The following SPTLC3 variants were observed in gnomAD, a reference collection of about 807,000 sequenced individuals.
The protein encoded by SPTLC3 is serine palmitoyltransferase 3.
In SPTLC3, 36 loss-of-function variants were observed where a neutral mutation model predicts 59.3. That is an observed-to-expected ratio of 0.61 (90% CI 0.47 to 0.80). The LOEUF (loss-of-function observed/expected upper bound fraction) is 0.80. Among genes scored for constraint, SPTLC3 ranks in the 30% least tolerant of loss-of-function variants. SPTLC3 has a pLI of 0.00. For missense variants in SPTLC3, 625 were observed against 685.1 expected (o/e 0.91, Z 0.98); for synonymous variants, 257 against 240.8 (o/e 1.07, Z -0.62).
intron 4 of SPTLC3, among the ~76,000 whole-genome samples, chr20:13,082,564 G>A (rs968161943): frequency 2.2e-5 from 3 of 138,346 alleles, no homozygotes; most frequent in African/African-American, 7.7e-5. Context: ...TTTGTGTATT[G>A]TCTGACTGCT....
At chr20:13,068,582 A>G (rs1222220471) in intron 2 of SPTLC3, among the ~76,000 whole-genome samples, 1 of 152,142 alleles carries the variant, frequency 6.6e-6, no homozygotes, top group Admixed American at 6.5e-5. Context: ...GGTGGGGAGA[A>G]GAGGGCCACG....
intron 9 of SPTLC3, among the ~76,000 whole-genome samples, chr20:13,145,080 T>C (rs1029551262): frequency 5.3e-5 from 8 of 152,090 alleles, no homozygotes; most frequent in African/African-American, 1.7e-4. Context: ...TGGCCTACTA[T>C]GTGTATTCTT....
At chr20:13,064,564 G>A (rs1385639284) in intron 2 of SPTLC3, among the ~76,000 whole-genome samples, 1 of 152,244 alleles carries the variant, frequency 6.6e-6, no homozygotes. Context: ...CCAAGTGCTG[G>A]GATTACAGGC....
intron 2 of SPTLC3, among the ~76,000 whole-genome samples, chr20:13,066,016 A>G (rs1988192323): frequency 6.6e-6 from 1 of 152,256 alleles, no homozygotes; most frequent in African/African-American, 2.4e-5. Context: ...TCCACAACTT[A>G]TGCGTACAAC....
intron 2 of SPTLC3, among the ~76,000 whole-genome samples, chr20:13,071,892 A>G (rs1326259633): frequency 6.6e-6 from 1 of 152,196 alleles, no homozygotes; most frequent in African/African-American, 2.4e-5. Flanking sequence ...TGATATATTC[A>G]TGTTCAAAAA....
In SPTLC3 at chr20:13,085,904, A is replaced by T. The variant is rs115789904; in HGVS notation, c.608-5179A>T. Among the ~76,000 whole-genome samples, 501 of 152,300 alleles carry T rather than the reference A, an allele frequency of 3.3e-3. 1 individual carries two copies. Among genetic ancestry groups the T allele is most frequent in the African/African-American group, 0.011 (461 of 41,558 alleles). On this transcript the variant is annotated intron_variant, in intron 4 of 11. Coordinates refer to ENST00000399002, the MANE Select transcript of SPTLC3 (RefSeq NM_018327.4). ...ATGTTTATTACTTTATTCATAAGGC[A>T]GGTTTTGAGCATAACACTGAATAAA...
intron 1 of SPTLC3, among the ~76,000 whole-genome samples, chr20:13,037,393 T>A (rs1986781937): frequency 6.6e-6 from 1 of 152,294 alleles, no homozygotes; most frequent in African/African-American, 2.4e-5. Context: ...AGGTAGACAA[T>A]CAACAGTCTG....
chr20:13,063,133 C>A (rs1600242971), intron 2 of SPTLC3, among the ~76,000 whole-genome samples: 3 of 152,252 alleles, frequency 2.0e-5, no homozygotes, highest in Non-Finnish European at 4.4e-5. Context: ...GATGGGTGAA[C>A]ATTATTTATT....
At chr20:13,013,286 A>G (rs1221727426) in intron 1 of SPTLC3, among the ~76,000 whole-genome samples, 2 of 152,320 alleles carry the variant, frequency 1.3e-5, no homozygotes, top group East Asian at 1.9e-4. Flanking sequence ...CTGCTGTAGT[A>G]TAAACTTCTT....
chr20:13,036,567 G>C lies in SPTLC3; in HGVS notation c.118-12378G>C, dbSNP rs539596477. ...GTGATAATCTGCTATTCATCAGTAA[G>C]GCTTCCCATCAACAGTAGGCTATTA... On this transcript the variant is annotated intron_variant, in intron 1 of 11. Transcript: ENST00000399002. Among the ~76,000 whole-genome samples the C allele has an allele frequency of 5.9e-5, 9 of 152,162 alleles. No homozygotes were observed. The South Asian group carries it at 1.9e-3, about 32-fold the overall frequency.
intron 9 of SPTLC3, among the ~76,000 whole-genome samples, chr20:13,138,490 C>T (rs1312834922): frequency 6.6e-6 from 1 of 152,170 alleles, no homozygotes; most frequent in African/African-American, 2.4e-5. Flanking sequence ...ACACCCCTAA[C>T]CCAGCCCTCC....
In SPTLC3 at chr20:13,152,319, C is replaced by G. The variant is rs141016180; in HGVS notation, c.1280-1684C>G. Among the ~76,000 whole-genome samples the G allele has an allele frequency of 5.5e-4, 84 of 152,268 alleles. No individual in the cohort carries two copies. In the East Asian group the frequency reaches 0.016, roughly 29 times the overall value. On this transcript the variant is annotated intron_variant, in intron 9 of 11. Transcript: ENST00000399002. ...CATATGGGTGAGCTATAATTATTGT[C>G]GTTATTACTATTGTCCTTTAGAGGC...
intron 4 of SPTLC3, chr20:13,079,664 TGC>T (rs1196470816): frequency 2.0e-5 from 8 of 408,070 alleles, no homozygotes; most frequent in Non-Finnish European, 3.5e-5. Context: ...TTCCTTGATG[TGC>T]GCAATGCTTC....
intron 8 of SPTLC3, among the ~76,000 whole-genome samples, chr20:13,125,920 G>A (rs2122789839): frequency 6.6e-6 from 1 of 152,346 alleles, no homozygotes; most frequent in African/African-American, 2.4e-5. Flanking sequence ...TACAGACAGT[G>A]AGAGAATTAC....
chr20:13,154,037 A>G lies in SPTLC3; in HGVS notation c.1314A>G (p.Thr438=), dbSNP rs778034093. 6.2e-7 allele frequency: 1 copy of G among 1,614,150 alleles called. No homozygotes were observed. The highest frequency in any genetic ancestry group is 2.2e-5 in the East Asian group (1 of 44,884). Residue 438 remains threonine, a synonymous_variant, in exon 10 of 12, where the codon ACA becomes ACG. Coordinates refer to ENST00000399002, the MANE Select transcript of SPTLC3 (RefSeq NM_018327.4). ...GAGTACAGCAACTTGCGAAAAACAC[A>G]AGATACTTCAGACAAAGACTGCAGG... ...LQRVQQLAKN[T]RYFRQRLQEM... is the part of the protein sequence containing the mutation.
At chr20:13,014,115 T>A (rs2122360162) in intron 1 of SPTLC3, among the ~76,000 whole-genome samples, 1 of 152,344 alleles carries the variant, frequency 6.6e-6, no homozygotes, top group African/African-American at 2.4e-5. Context: ...CCTAGGGACA[T>A]TTCTGCTACA....
chr20:13,130,252 G>C (rs1207873240), intron 9 of SPTLC3, among the ~76,000 whole-genome samples: 2 of 152,186 alleles, frequency 1.3e-5, no homozygotes, highest in African/African-American at 4.8e-5. Flanking sequence ...CTCACTCTCA[G>C]GGTAAAGTTG....
intron 9 of SPTLC3, among the ~76,000 whole-genome samples, chr20:13,134,933 AT>A (rs111622664): frequency 6.6e-6 from 1 of 152,238 alleles, no homozygotes; most frequent in African/African-American, 2.4e-5. Context: ...TTCAGTCCCC[AT>A]GACCACTTTG....
intron 1 of SPTLC3, among the ~76,000 whole-genome samples, chr20:13,023,286 C>G (rs1985984180): frequency 7.0e-6 from 1 of 142,998 alleles, no homozygotes; most frequent in African/African-American, 2.6e-5. Context: ...CACACACACA[C>G]AGAGTCACAC....
Sources: allele counts gnomAD v4.1 joint callset (sites outside exome capture counted in the v4.1 genomes callset), GRCh38; gene constraint gnomAD v4.1.1; transcripts MANE v1.5; gene names NCBI Gene and HGNC (gene_info 2026-07-23, HGNC 2026-07-21).